PRRC2C: variants seen among roughly 807,000 people sequenced by gnomAD.
The protein encoded by PRRC2C is protein PRRC2C.
A neutral mutation model predicts 317.2 loss-of-function variants in PRRC2C; 72 were observed. The ratio of observed to expected loss-of-function variants is 0.23; its 90% CI spans 0.19 to 0.28. The LOEUF (loss-of-function observed/expected upper bound fraction) is 0.28, where lower values mean the gene tolerates loss of function less well. Ranked by LOEUF, PRRC2C falls within the 10% of genes least tolerant of loss-of-function variation. PRRC2C has a pLI of 1.00. For missense variants in PRRC2C, 3,074 were observed against 3,459.7 expected (o/e 0.89, Z 2.80); for synonymous variants, 1,296 against 1,205.9 (o/e 1.07, Z -1.55).
At chr1:171,582,260 T>A (rs1648789579) in intron 28 of PRRC2C, among the ~76,000 whole-genome samples, 1 of 152,232 alleles carries the variant, frequency 6.6e-6, no homozygotes, top group African/African-American at 2.4e-5. Context: ...TTATTCTCAC[T>A]GTTCAAAAGG....
At chr1:171,591,500 G>T in intron 34 of PRRC2C, 87 bp from the exon 35 acceptor site, 2 of 1,505,546 alleles carry the variant, frequency 1.3e-6, no homozygotes, top group South Asian at 2.6e-5. Flanking sequence ...ACTGATTTGT[G>T]ATTGGTAAAA....
chr1:171,565,407 A>T (rs1683458136), intron 20 of PRRC2C, among the ~76,000 whole-genome samples: 1 of 152,150 alleles, frequency 6.6e-6, no homozygotes, highest in Non-Finnish European at 1.5e-5. Flanking sequence ...ACTGATTAGC[A>T]CATCTGATTA....
chr1:171,553,331 G>T (rs141600863), intron 18 of PRRC2C, among the ~76,000 whole-genome samples: 1 of 151,844 alleles, frequency 6.6e-6, no homozygotes, highest in South Asian at 2.1e-4. Context: ...TTTTTATTGC[G>T]TCTATTTGAT....
chr1:171,574,959 T>C lies in PRRC2C; in HGVS notation c.6786T>C (p.Ser2262=), dbSNP rs1685443823. 1 of 1,613,906 alleles carries C rather than the reference T, an allele frequency of 6.2e-7. No homozygotes were observed. Among genetic ancestry groups the C allele is most frequent in the Non-Finnish European group, 8.5e-7 (1 of 1,179,870 alleles). ...MESARKAWEN[S]PNVREKGSPV... is the part of the protein sequence containing the mutation. ...CTGCACGCAAAGCATGGGAGAATTC[T>C]CCAAATGTAAGGGAAAAGGGGTCTC... The change falls in exon 25 of 35, where the codon TCT becomes TCC. Residue 2262 remains serine (S), a synonymous_variant. Coordinates refer to ENST00000647382, the MANE Select transcript of PRRC2C (RefSeq NM_001387844.1).
At chr1:171,492,987 G>T (rs1667453185) in intron 1 of PRRC2C, among the ~76,000 whole-genome samples, 1 of 151,910 alleles carries the variant, frequency 6.6e-6, no homozygotes, top group African/African-American at 2.4e-5. Flanking sequence ...GACCTCAAAT[G>T]ATCCACCTGC....
At chr1:171,548,554 A>T (rs992300994) in intron 17 of PRRC2C, among the ~76,000 whole-genome samples, 4 of 152,130 alleles carry the variant, frequency 2.6e-5, no homozygotes, top group African/African-American at 9.7e-5. Context: ...AAAATTAAAT[A>T]ATTTCTTTAA....
intron 1 of PRRC2C, among the ~76,000 whole-genome samples, chr1:171,496,022 A>T (rs1257877510): frequency 6.6e-6 from 1 of 151,790 alleles, no homozygotes; most frequent in East Asian, 1.9e-4. Flanking sequence ...TTATAAGGAC[A>T]CTAATCCCCT....
chr1:171,590,164 T>C (rs1651106510), intron 34 of PRRC2C, among the ~76,000 whole-genome samples: 1 of 152,216 alleles, frequency 6.6e-6, no homozygotes, highest in African/African-American at 2.4e-5. Flanking sequence ...TCAAACTGTT[T>C]TCATACCCTT....
chr1:171,568,116 C>A, intron 22 of PRRC2C, 131 bp from the exon 23 acceptor site: 1 of 1,280,786 alleles, frequency 7.8e-7, no homozygotes, highest in Non-Finnish European at 1.0e-6. Flanking sequence ...GCCTGGAAGG[C>A]AGAGGTTGCA....
At chr1:171,581,867 G>C (rs1648685790) in intron 28 of PRRC2C, among the ~76,000 whole-genome samples, 1 of 152,172 alleles carries the variant, frequency 6.6e-6, no homozygotes, top group South Asian at 2.1e-4. Flanking sequence ...CACTACTTTT[G>C]ATTTAGGTGC....
chr1:171,551,363 C>T (rs1051094824), intron 18 of PRRC2C, among the ~76,000 whole-genome samples: 4 of 151,994 alleles, frequency 2.6e-5, no homozygotes, highest in Non-Finnish European at 5.9e-5. Flanking sequence ...GGATATTAGC[C>T]CTTTGTCAGA....
At chr1:171,520,500 C>T (rs1439247616) in intron 6 of PRRC2C, among the ~76,000 whole-genome samples, 1 of 152,146 alleles carries the variant, frequency 6.6e-6, no homozygotes, top group South Asian at 2.1e-4. Context: ...TTAAATATCA[C>T]TACTGTATAC....
Position 171,550,124 on chromosome 1 carries a change from A to G in PRRC2C, c.5011A>G (p.Ile1671Val). The G allele has an allele frequency of 6.2e-7, 1 of 1,608,598 alleles. No individual in the cohort carries two copies. Among genetic ancestry groups the G allele is most frequent in the Non-Finnish European group, 8.5e-7 (1 of 1,177,252 alleles). The part of the protein sequence containing the change: ...IIDDHPEVTV[I>V]EDPQSNLNDD... ...TGATGATCATCCTGAAGTAACAGTAATTGAAGATCCCCAGTCAAATTTGAA... is the reference window on the plus strand; with the variant it reads ...TGATGATCATCCTGAAGTAACAGTAGTTGAAGATCCCCAGTCAAATTTGAA... The change falls in exon 18 of 35, where the codon ATT becomes GTT. Residue 1671 changes from isoleucine (I) to valine (V), a missense_variant. Ile to Val is a conservative substitution (Grantham distance 29). Transcript: ENST00000647382.
chr1:171,517,641 T>C lies in PRRC2C; in HGVS notation c.577T>C (p.Ser193Pro), dbSNP rs748987528. The change falls in exon 6 of 35, where the codon TCT (serine) becomes CCT (proline). Residue 193 changes from serine to proline, a missense_variant. Around this residue, in one of 11 missense-constraint regions of PRRC2C, gnomAD observed 237 missense variants for 199.5 expected, o/e 1.19. Coordinates refer to ENST00000647382, the MANE Select transcript of PRRC2C (RefSeq NM_001387844.1). ...GGKAAGSPSSSDQDEKLPGQD... is the reference protein window; with the variant it reads ...GGKAAGSPSSPDQDEKLPGQD... ...TAAGGCTGCTGGCTCACCTTCGTCA[T>C]CTGATCAAGATGAAAAGCTCCCTGG... 1 of 1,612,652 alleles carries C rather than the reference T, an allele frequency of 6.2e-7. No homozygotes were observed. Among genetic ancestry groups the C allele is most frequent in the Non-Finnish European group, 8.5e-7 (1 of 1,179,690 alleles).
chr1:171,553,491 A>G (rs2102606291), intron 18 of PRRC2C, among the ~76,000 whole-genome samples: 1 of 149,996 alleles, frequency 6.7e-6, no homozygotes, highest in East Asian at 2.0e-4. Context: ...GATCTTAGTT[A>G]TTTCTTGCCT....
In PRRC2C at chr1:171,540,168, C is replaced by G; in HGVS notation, c.2702C>G (p.Pro901Arg). 6.2e-7 allele frequency: 1 copy of G among 1,613,818 alleles called. No homozygotes were observed. The highest frequency in any genetic ancestry group is 8.5e-7 in the Non-Finnish European group (1 of 1,179,828). ...AATCAGTCTGCTTGTTTTGAAGCAC[C>G]TGATCAAAAGACCTTATCCGCTCCT... ...ANNQSACFEA[P>R]DQKTLSAPQE... Residue 901 changes from proline (P) to arginine (R), a missense_variant, in exon 16 of 35, where the codon CCT (proline) becomes CGT (arginine). Pro to Arg is a moderately radical substitution (Grantham distance 103, BLOSUM62 -2). Transcript: ENST00000647382.
chr1:171,577,661 A>G (rs1387814518), intron 26 of PRRC2C, 24 bp downstream of exon 26: 1 of 1,589,530 alleles, frequency 6.3e-7, no homozygotes, highest in Non-Finnish European at 8.6e-7. Flanking sequence ...GCTTGAATAT[A>G]AGGAATTTAG....
intron 31 of PRRC2C, 75 bp from the exon 32 acceptor site, chr1:171,587,573 G>A (rs1181628756): frequency 1.7e-5 from 17 of 1,029,690 alleles, no homozygotes; most frequent in Admixed American, 6.3e-5. Context: ...ACGTCTTCAC[G>A]TATAGGACAT....
chr1:171,542,549 C>T (rs1251616579), intron 16 of PRRC2C, among the ~76,000 whole-genome samples: 3 of 152,178 alleles, frequency 2.0e-5, no homozygotes, highest in Non-Finnish European at 4.4e-5. Context: ...GTAGCCCTCC[C>T]TTCTTTCTCA....
Sources: allele counts gnomAD v4.1 joint callset (sites outside exome capture counted in the v4.1 genomes callset), GRCh38; gene constraint gnomAD v4.1.1; regional missense constraint gnomAD v4.1.1; transcripts MANE v1.5; gene names NCBI Gene and HGNC (gene_info 2026-07-23, HGNC 2026-07-21).